The following MPP7 variants were observed in gnomAD, a reference collection of about 807,000 sequenced individuals.
MPP7 encodes the protein MAGUK p55 subfamily member 7.
MPP7 carries 60 observed loss-of-function variants against 76.5 expected under a neutral mutation model. The ratio of observed to expected loss-of-function variants is 0.78; its 90% CI spans 0.64 to 0.97. The LOEUF (loss-of-function observed/expected upper bound fraction) is 0.97. MPP7 is among the 50% of genes least tolerant of loss of function. The pLI is 0.00. For missense variants in MPP7, 641 were observed against 694.0 expected (o/e 0.92, Z 0.86); for synonymous variants, 237 against 244.5 (o/e 0.97, Z 0.29).
At chr10:28,267,997 T>C (rs566210944) in intron 1 of MPP7, among the ~76,000 whole-genome samples, 113 of 152,152 alleles carry the variant, frequency 7.4e-4, no homozygotes, top group African/African-American at 2.6e-3. Context: ...GAAGTACCAC[T>C]GTACTCCACC....
At chr10:28,271,278 C>T (rs1294116708) in intron 1 of MPP7, among the ~76,000 whole-genome samples, 1 of 152,102 alleles carries the variant, frequency 6.6e-6, no homozygotes, top group South Asian at 2.1e-4. Flanking sequence ...ATTTGTTTTA[C>T]TTGAGAAGAA....
intron 3 of MPP7, among the ~76,000 whole-genome samples, chr10:28,177,394 T>C (rs1836909918): frequency 6.7e-6 from 1 of 149,982 alleles, no homozygotes; most frequent in Non-Finnish European, 1.5e-5. Flanking sequence ...GGCAACGCAG[T>C]GAGACTCCAT....
intron 5 of MPP7, among the ~76,000 whole-genome samples, chr10:28,140,468 G>A (rs187832048): frequency 3.3e-5 from 5 of 151,856 alleles, no homozygotes; most frequent in African/African-American, 9.7e-5. Context: ...CTGAGATCGC[G>A]CCACTGTACG....
Position 28,086,329 on chromosome 10 carries a change from T to C in MPP7, c.1123+3342A>G, listed in dbSNP as rs527337689. On this transcript the variant is annotated intron_variant, in intron 12 of 16. Coordinates refer to ENST00000683449, the MANE Select transcript of MPP7 (RefSeq NM_001318170.2). ...TAAAGAAAGAAAGAAGAGAAAACAA[T>C]GAAAGAAAAAAAGCAAAGCACTTGG... Among the ~76,000 whole-genome samples the C allele has an allele frequency of 2.6e-5, 4 of 151,624 alleles. No individual in the cohort carries two copies. The South Asian group carries it at 8.3e-4, about 32-fold the overall frequency.
intron 1 of MPP7, among the ~76,000 whole-genome samples, chr10:28,250,601 T>C (rs963896013): frequency 1.3e-5 from 2 of 152,214 alleles, no homozygotes; most frequent in African/African-American, 4.8e-5. Flanking sequence ...ATAAACGAGC[T>C]GATGATTCAA....
chr10:28,324,586 T>C (rs1834394447), intron 2 of MPP7, among the ~76,000 whole-genome samples: 1 of 152,144 alleles, frequency 6.6e-6, no homozygotes, highest in African/African-American at 2.4e-5. Flanking sequence ...AAATAGAACA[T>C]ATAGGATAAC....
At chr10:28,285,699 C>T (rs1176301873) in intron 1 of MPP7, among the ~76,000 whole-genome samples, 9 of 152,076 alleles carry the variant, frequency 5.9e-5, no homozygotes, top group African/African-American at 1.7e-4. Flanking sequence ...GTGAGAAGTA[C>T]AGGCCACCAC....
intron 2 of MPP7, among the ~76,000 whole-genome samples, chr10:28,322,534 G>T (rs750055062): frequency 1.3e-5 from 2 of 152,328 alleles, no homozygotes; most frequent in Admixed American, 1.3e-4. Context: ...ACTTTTGGCT[G>T]TCATTGACAC....
chr10:28,220,227 T>C (rs1340086239), intron 2 of MPP7, among the ~76,000 whole-genome samples: 5 of 152,228 alleles, frequency 3.3e-5, no homozygotes, highest in African/African-American at 7.2e-5. Context: ...TAACTGTCAA[T>C]AGTCTGTAGC....
At chr10:28,329,454 C>T (rs562558416) in intron 2 of MPP7, among the ~76,000 whole-genome samples, 1 of 151,976 alleles carries the variant, frequency 6.6e-6, no homozygotes, top group Non-Finnish European at 1.5e-5. Flanking sequence ...CAGTGAAACC[C>T]TGTCTCTACT....
intron 1 of MPP7, among the ~76,000 whole-genome samples, chr10:28,287,153 A>T (rs1002351818): frequency 7.2e-5 from 11 of 152,238 alleles, no homozygotes; most frequent in African/African-American, 2.4e-4. Flanking sequence ...CTTCAAAAAA[A>T]AATAATAACT....
At chr10:28,075,308 C>T (rs1254388831) in intron 12 of MPP7, among the ~76,000 whole-genome samples, 1 of 151,988 alleles carries the variant, frequency 6.6e-6, no homozygotes, top group Non-Finnish European at 1.5e-5. Flanking sequence ...AGGAAACATC[C>T]CATCTAAGAT....
chr10:28,061,874 T>A (rs7071369), intron 13 of MPP7, among the ~76,000 whole-genome samples: 18,895 of 152,040 alleles, frequency 0.12, 1,816 homozygotes, highest in East Asian at 0.51. Context: ...AAGAAATCAA[T>A]GAAATAATAT....
chr10:28,241,493 T>C (rs1839266961), intron 1 of MPP7, among the ~76,000 whole-genome samples: 1 of 152,200 alleles, frequency 6.6e-6, no homozygotes, highest in African/African-American at 2.4e-5. Context: ...TAGGTTTAAC[T>C]TTCAAACTGA....
rs1564759092 is a variant in MPP7, at chr10:28,287,612, T to C, written c.-132+15249A>G. On this transcript the variant is annotated intron_variant, in intron 1 of 16. Transcript: ENST00000683449. The stretch of plus-strand genomic sequence containing the variant: ...TTATAATGCCAAATACAGGAGTGTA[T>C]ACATTTGTCCAAACTCAACAAATTC... 2.0e-5 allele frequency among the ~76,000 whole-genome samples: 3 copies of C among 152,338 alleles called. No individual in the cohort carries two copies. The South Asian group carries it at 6.2e-4, about 32-fold the overall frequency.
chr10:28,123,995 T>C (rs1834927615), intron 8 of MPP7, 36 bp downstream of exon 8: 3 of 1,365,300 alleles, frequency 2.2e-6, no homozygotes, highest in Non-Finnish European at 3.1e-6. Flanking sequence ...TTCGATTTTA[T>C]TTTTATTGTA....
upstream of MPP7, among the ~76,000 whole-genome samples, chr10:28,306,733 TGATA>T (rs886093092): frequency 1.1e-4 from 17 of 151,576 alleles, no homozygotes; most frequent in South Asian, 2.1e-4. Context: ...AATAGATAGT[TGATA>T]GATAGATAAT....
chr10:28,282,264 A>G (rs559267329), intron 1 of MPP7: 1 of 152,200 alleles, frequency 6.6e-6, no homozygotes, highest in South Asian at 2.1e-4. Context: ...GCCCGCTTCC[A>G]GGGCAGTTCA....
intron 11 of MPP7, among the ~76,000 whole-genome samples, chr10:28,103,837 T>G (rs901384965): frequency 2.0e-5 from 3 of 151,944 alleles, no homozygotes; most frequent in Non-Finnish European, 2.9e-5. Flanking sequence ...TGGTTCTCTC[T>G]CGAGAGAAGC....
Sources: gnomAD v4.1 joint callset for allele counts (sites outside exome capture counted in the v4.1 genomes callset) on GRCh38, gnomAD v4.1.1 for gene constraint, MANE v1.5 for transcripts, NCBI Gene and HGNC (gene_info 2026-07-23, HGNC 2026-07-21) for gene names.